CLSTN2: variants seen among roughly 807,000 people sequenced by gnomAD.
The protein encoded by CLSTN2 is calsyntenin-2.
CLSTN2 carries 48 observed loss-of-function variants against 101.2 expected under a neutral mutation model. The ratio of observed to expected loss-of-function variants is 0.47; its 90% CI spans 0.38 to 0.60. The LOEUF (loss-of-function observed/expected upper bound fraction) is 0.60, where lower values mean the gene tolerates loss of function less well. Ranked by LOEUF, CLSTN2 falls within the 20% of genes least tolerant of loss-of-function variation. CLSTN2 has a pLI of 0.00. For synonymous variants in CLSTN2, 481 were observed against 463.6 expected, an observed-to-expected ratio of 1.04 and a Z score of -0.48; for missense variants, 1,160 against 1,238.2, an observed-to-expected ratio of 0.94 and a Z score of 0.95.
chr3:140,029,791 C>A (rs114322166), intron 1 of CLSTN2, among the ~76,000 whole-genome samples: 4 of 152,202 alleles, frequency 2.6e-5, no homozygotes, highest in Admixed American at 2.0e-4. Context: ...TCTTCCCCTG[C>A]GATTCCTCTA....
At chr3:140,543,564 C>T (rs796896378) in intron 9 of CLSTN2, among the ~76,000 whole-genome samples, 14 of 152,312 alleles carry the variant, frequency 9.2e-5, no homozygotes, top group East Asian at 3.9e-4. Flanking sequence ...AGGCTGAGAA[C>T]GTCCCAAGGC....
At chr3:140,022,604 G>T (rs1175911282) in intron 1 of CLSTN2, among the ~76,000 whole-genome samples, 1 of 152,184 alleles carries the variant, frequency 6.6e-6, no homozygotes, top group Non-Finnish European at 1.5e-5. Flanking sequence ...TAAGGCTCCA[G>T]CCAGCCCTGC....
intron 2 of CLSTN2, among the ~76,000 whole-genome samples, chr3:140,197,327 G>A (rs2010659048): frequency 6.6e-6 from 1 of 152,160 alleles, no homozygotes; most frequent in Admixed American, 6.5e-5. Context: ...GCCATTTCCA[G>A]TCTATTATGT....
chr3:140,087,842 T>A (rs183658736), intron 1 of CLSTN2, among the ~76,000 whole-genome samples: 138 of 151,862 alleles, frequency 9.1e-4, no homozygotes, highest in African/African-American at 3.1e-3. Context: ...GAAATAGAGG[T>A]GAGGAGTTTG....
intron 8 of CLSTN2, among the ~76,000 whole-genome samples, chr3:140,488,747 C>A (rs13327210): frequency 7.4e-6 from 1 of 135,972 alleles, no homozygotes; most frequent in African/African-American, 2.8e-5. Flanking sequence ...ACAGAACTGA[C>A]AAACAGAAAA....
chr3:140,106,792 T>C (rs528445681), intron 1 of CLSTN2, among the ~76,000 whole-genome samples: 66 of 152,360 alleles, frequency 4.3e-4, no homozygotes, highest in South Asian at 8.3e-4. Context: ...ATTTTTAGAA[T>C]ACTATTAAGA....
chr3:140,566,535 G>A lies in CLSTN2; in HGVS notation c.*282G>A, dbSNP rs976391436. 6.1e-5 allele frequency: 28 copies of A among 461,974 alleles called. No individual in the cohort carries two copies. Among genetic ancestry groups the A allele is most frequent in the Non-Finnish European group, 9.5e-5 (24 of 253,820 alleles). 28.6% of individuals were successfully genotyped at this position (461,974 alleles called of 1,614,324 possible). A position where few individuals can be genotyped will look rare whatever the true frequency, so the allele number is the denominator to read the frequency against. ...TCCCCAGCATCCTGACTACCTGTCTGCAGAGTTTGCCTTTGTTTTTTCCTG... is the reference window on the plus strand; with the variant it reads ...TCCCCAGCATCCTGACTACCTGTCTACAGAGTTTGCCTTTGTTTTTTCCTG... On this transcript the variant is annotated 3_prime_UTR_variant, in exon 17 of 17. Transcript: ENST00000458420.
chr3:140,182,802 A>G (rs1216411782), intron 2 of CLSTN2, among the ~76,000 whole-genome samples: 1 of 152,140 alleles, frequency 6.6e-6, no homozygotes, highest in Non-Finnish European at 1.5e-5. Context: ...AGTTCTGTCC[A>G]TGGCATCCTG....
At position 140,498,490 on chromosome 3, in the gene CLSTN2, C is replaced by T. The variant is rs569064035; in HGVS notation, c.1344+31759C>T. Among the ~76,000 whole-genome samples, 7 of 152,240 alleles carry T rather than the reference C, an allele frequency of 4.6e-5. No homozygotes were observed. In the South Asian group the frequency reaches 1.5e-3, roughly 32 times the overall value. On this transcript the variant is annotated intron_variant, in intron 8 of 16. Coordinates refer to ENST00000458420, the MANE Select transcript of CLSTN2 (RefSeq NM_022131.3). Reference sequence around the variant, plus strand: ...TCACCTTTCCTGCCCCAGATGGTGCCGAGCTCAGAGGGGAGCCCAGAGACA... The same window carrying T: ...TCACCTTTCCTGCCCCAGATGGTGCTGAGCTCAGAGGGGAGCCCAGAGACA...
At position 140,575,072 on chromosome 3, in the gene CLSTN2, G is replaced by T. The variant is rs1465798498; in HGVS notation, c.*8819G>T. The stretch of plus-strand genomic sequence containing the variant: ...CCAGCTCCTCTACATGGCTGCAAGA[G>T]CATGGCTGATGTGTGGGATTCAGAA... On this transcript the variant is annotated 3_prime_UTR_variant, in exon 17 of 17. Coordinates refer to ENST00000458420, the MANE Select transcript of CLSTN2 (RefSeq NM_022131.3). 6.6e-6 allele frequency: 1 copy of T among 152,236 alleles called. No individual in the cohort carries two copies. Among genetic ancestry groups the T allele is most frequent in the Non-Finnish European group, 1.5e-5 (1 of 68,056 alleles). The allele number at this position is 152,236 out of a possible 1,614,324, so 9.4% of individuals were successfully genotyped here.
intron 8 of CLSTN2, among the ~76,000 whole-genome samples, chr3:140,523,602 CA>C (rs1404536596): frequency 2.0e-5 from 3 of 152,180 alleles, no homozygotes; most frequent in African/African-American, 7.2e-5. Flanking sequence ...GCTCAATTCA[CA>C]CAACAAACCT....
In CLSTN2 at chr3:140,279,147, T is replaced by A. The variant is rs546146114; in HGVS notation, c.232+103074T>A. Among the ~76,000 whole-genome samples the A allele has an allele frequency of 1.1e-4, 17 of 152,312 alleles. No individual in the cohort carries two copies. The South Asian group carries it at 3.3e-3, about 30-fold the overall frequency. On this transcript the variant is annotated intron_variant, in intron 2 of 16. Coordinates refer to ENST00000458420, the MANE Select transcript of CLSTN2 (RefSeq NM_022131.3). ...CTCAACATTATGCCTATGAGATCCA[T>A]CCCATTGGCTTCTATGTACTCTGTA... is the stretch of plus-strand genomic sequence containing the variant.
chr3:140,246,600 C>T (rs536635975), intron 2 of CLSTN2, among the ~76,000 whole-genome samples: 1 of 152,156 alleles, frequency 6.6e-6, no homozygotes, highest in Non-Finnish European at 1.5e-5. Flanking sequence ...ATGTAACATA[C>T]ATAGCAAAAT....
intron 1 of CLSTN2, among the ~76,000 whole-genome samples, chr3:139,976,592 T>G (rs1023253630): frequency 1.3e-5 from 2 of 152,154 alleles, no homozygotes; most frequent in African/African-American, 4.8e-5. Flanking sequence ...GTCCCTCCCT[T>G]TCCCACTGTG....
chr3:140,443,821 G>A (rs1213202533), intron 5 of CLSTN2, among the ~76,000 whole-genome samples: 1 of 152,132 alleles, frequency 6.6e-6, no homozygotes, highest in Non-Finnish European at 1.5e-5. Context: ...AGCCCACGAG[G>A]GGATATAATT....
intron 5 of CLSTN2, among the ~76,000 whole-genome samples, chr3:140,435,456 T>C (rs1414615112): frequency 6.6e-6 from 1 of 152,232 alleles, no homozygotes; most frequent in African/African-American, 2.4e-5. Context: ...ATTTGCTGTA[T>C]CCATTTATCT....
At chr3:140,082,722 A>G (rs2008619490) in intron 1 of CLSTN2, among the ~76,000 whole-genome samples, 1 of 152,154 alleles carries the variant, frequency 6.6e-6, no homozygotes, top group African/African-American at 2.4e-5. Context: ...TACAACTTCA[A>G]GTCTTTTAGC....
At chr3:140,513,262 A>C (rs1406567050) in intron 8 of CLSTN2, among the ~76,000 whole-genome samples, 2 of 152,154 alleles carry the variant, frequency 1.3e-5, no homozygotes, top group African/African-American at 4.8e-5. Context: ...GATGGCTCTT[A>C]GTATTTTTAG....
intron 2 of CLSTN2, among the ~76,000 whole-genome samples, chr3:140,395,813 A>G (rs1162874703): frequency 6.6e-6 from 1 of 152,068 alleles, no homozygotes; most frequent in African/African-American, 2.4e-5. Flanking sequence ...AACTTCATCC[A>G]CTCAGCCCTC....
Sources: allele counts gnomAD v4.1 joint callset (sites outside exome capture counted in the v4.1 genomes callset), GRCh38; gene constraint gnomAD v4.1.1; transcripts MANE v1.5; gene names NCBI Gene and HGNC (gene_info 2026-07-23, HGNC 2026-07-21).